Variants in COL5A3 observed in about 807,000 individuals in gnomAD.
COL5A3 encodes collagen type V alpha 3 chain.
In COL5A3, 172 loss-of-function variants were observed where a neutral mutation model predicts 250.0. That is an observed-to-expected ratio of 0.69 (90% CI 0.61 to 0.78). The LOEUF is 0.78. COL5A3 is among the 30% of genes least tolerant of loss of function. The pLI, the probability that COL5A3 is intolerant of heterozygous loss-of-function variation, is 0.00. For synonymous variants in COL5A3, 937 were observed against 900.4 expected, an observed-to-expected ratio of 1.04 and a Z score of -0.73; for missense variants, 2,340 against 2,334.4, an observed-to-expected ratio of 1.00 and a Z score of -0.05.
intron 64 of COL5A3, among the ~76,000 whole-genome samples, chr19:9,965,150 CTTTTTCTTTTT>C (rs780455316): frequency 7.3e-6 from 1 of 137,608 alleles, no homozygotes; most frequent in Non-Finnish European, 1.6e-5. Flanking sequence ...TTTTTCTTTT[CTTTTTCTTTTT>C]TTTTTTTTTT....
intron 64 of COL5A3, among the ~76,000 whole-genome samples, chr19:9,965,458 C>CTT (rs781503204): frequency 0.026 from 3,631 of 139,500 alleles, 99 homozygotes; most frequent in East Asian, 0.12. Context: ...GCCCGGCCTT[C>CTT]TTTTTTTTTT....
chr19:9,966,788 G>C (rs1417515085), intron 62 of COL5A3, 42 bp from the exon 63 acceptor site: 1 of 1,442,324 alleles, frequency 6.9e-7, no homozygotes, highest in Admixed American at 2.1e-5. Flanking sequence ...GGGGAGATGG[G>C]GGAGGGAGAG....
At chr19:9,993,598 G>A in intron 18 of COL5A3, 21 bp downstream of exon 18, 2 of 1,613,256 alleles carry the variant, frequency 1.2e-6, no homozygotes, top group Non-Finnish European at 1.7e-6. Context: ...TAGACTTGGG[G>A]GAGGGACCTC....
intron 4 of COL5A3, among the ~76,000 whole-genome samples, chr19:10,004,989 A>C (rs962731489): frequency 7.2e-6 from 1 of 139,800 alleles, no homozygotes; most frequent in Non-Finnish European, 1.6e-5. Context: ...ACAGTCATGC[A>C]CTGCAACGGC....
chr19:10,001,470 T>A (rs943637539), intron 8 of COL5A3, 54 bp downstream of exon 8: 16 of 1,556,216 alleles, frequency 1.0e-5, no homozygotes, highest in East Asian at 2.3e-5. Context: ...TTTAAAAAAA[T>A]TTTAATAGGA....
intron 8 of COL5A3, among the ~76,000 whole-genome samples, chr19:9,999,200 A>AT (rs144312768): frequency 0.4 from 37,786 of 94,472 alleles, 5,455 homozygotes; most frequent in Middle Eastern, 0.49. Flanking sequence ...TTTGCTTGGC[A>AT]TTTTTTTTTT....
chr19:9,980,213 C>T (rs183078609), intron 35 of COL5A3, among the ~76,000 whole-genome samples, 166 bp from the exon 36 acceptor site: 1 of 152,206 alleles, frequency 6.6e-6, no homozygotes, highest in African/African-American at 2.4e-5. Flanking sequence ...CACTGTAGCC[C>T]TTTGGGTTGG....
intron 54 of COL5A3, among the ~76,000 whole-genome samples, chr19:9,970,382 G>GACT (rs1256942274): frequency 2.0e-4 from 24 of 122,170 alleles, no homozygotes; most frequent in African/African-American, 2.9e-4. Context: ...GGTAAGCGGG[G>GACT]GCTGTGGGGT....
At chr19:9,996,794 A>G (rs2087280660) in intron 11 of COL5A3, 105 bp from the exon 12 acceptor site, 11 of 706,804 alleles carry the variant, frequency 1.6e-5, no homozygotes, top group Non-Finnish European at 2.5e-5. Context: ...AGAGAGAGGG[A>G]GAGATGGAGA....
rs113959797 is a variant in COL5A3, at chr19:9,992,923, G to T, written c.1795-43C>A. 2.1e-3 allele frequency: 3,410 copies of T among 1,610,406 alleles called. 3 individuals are homozygous for T. The highest frequency in any genetic ancestry group is 2.6e-3 in the Non-Finnish European group (3,066 of 1,177,310). The stretch of plus-strand genomic sequence containing the variant: ...AATTATTTCCACATCACCTCTGTGT[G>T]GCCATGTGAGCTCTAGGGGTCCTAT... On this transcript the variant is annotated intron_variant, in intron 20 of 66. Transcript: ENST00000264828.
chr19:10,005,774 C>A (rs781323842), intron 3 of COL5A3, 22 bp downstream of exon 3: 1 of 1,601,954 alleles, frequency 6.2e-7, no homozygotes, highest in East Asian at 2.2e-5. Context: ...CACGGACCCC[C>A]GCCCACTCTC....
chr19:10,003,543 T>C (rs892477226), intron 6 of COL5A3, 22 bp downstream of exon 6: 6 of 1,612,604 alleles, frequency 3.7e-6, no homozygotes, highest in Non-Finnish European at 5.1e-6. Flanking sequence ...AAACCGGAAG[T>C]GAGAGGTCTC....
intron 1 of COL5A3, among the ~76,000 whole-genome samples, chr19:10,008,550 G>T (rs1182632684): frequency 6.6e-6 from 1 of 152,192 alleles, no homozygotes; most frequent in Non-Finnish European, 1.5e-5. Context: ...GAGGGACAGA[G>T]GCGGGGACTG....
In COL5A3 at chr19:9,977,621, A is replaced by C. The variant is rs2086942025; in HGVS notation, c.3099T>G (p.Val1033=). 3 of 1,604,320 alleles carry C rather than the reference A, an allele frequency of 1.9e-6. No homozygotes were observed. The highest frequency in any genetic ancestry group is 2.2e-5 in the South Asian group (2 of 89,708). ...LPGQSGSEGP[V]GPAGKKGSRG... ...GGGACCCCTTCTTGCCTGCAGGGCC[A>C]ACGGGGCCTTCGCTGCCACTTTGGC... is the stretch of plus-strand genomic sequence containing the variant. Residue 1033 remains valine, a synonymous_variant, in exon 42 of 67, where the codon GTT becomes GTG. Coordinates refer to ENST00000264828, the MANE Select transcript of COL5A3 (RefSeq NM_015719.4).
At chr19:9,996,365 C>A in intron 13 of COL5A3, 68 bp downstream of exon 13, 1 of 1,579,132 alleles carries the variant, frequency 6.3e-7, no homozygotes, top group Non-Finnish European at 8.6e-7. Context: ...TCCTGCCCAG[C>A]CCCTCCTTAC....
Position 9,969,924 on chromosome 19 carries a change from T to C in COL5A3, c.3937-2A>G. Reference sequence around the variant, plus strand: ...TCGACCCATGTGGCCTGAAGGACCCTTGGAAGGGAAAGACAGTGAGGGGGG... The same window carrying C: ...TCGACCCATGTGGCCTGAAGGACCCCTGGAAGGGAAAGACAGTGAGGGGGG... On this transcript the variant is annotated splice_acceptor_variant, in intron 54 of 66. Transcript: ENST00000264828. LOFTEE classifies it high-confidence loss of function. 6.3e-7 allele frequency: 1 copy of C among 1,590,342 alleles called. No individual in the cohort carries two copies. Among genetic ancestry groups the C allele is most frequent in the Non-Finnish European group, 8.5e-7 (1 of 1,171,364 alleles).
chr19:10,007,870 C>T (rs1305845986), intron 1 of COL5A3, among the ~76,000 whole-genome samples: 1 of 152,080 alleles, frequency 6.6e-6, no homozygotes, highest in Non-Finnish European at 1.5e-5. Context: ...CTCTCTGTCC[C>T]ACTTTCTGTG....
chr19:10,000,158 C>T (rs2087338454), intron 8 of COL5A3, among the ~76,000 whole-genome samples: 2 of 152,098 alleles, frequency 1.3e-5, no homozygotes, highest in African/African-American at 4.8e-5. Flanking sequence ...TTCGGAACAA[C>T]AGTCCACCAT....
Position 9,968,423 on chromosome 19 carries a change from G to T in COL5A3, c.4276C>A (p.Pro1426Thr). ...GGACCAGGGGGTCCCTGCACGCCTG[G>T]CAACCCCTGATCTCCTTTCTCACCA... ...EAGEKGDQGLPGVQGPPGPKG... is the reference protein window; with the variant it reads ...EAGEKGDQGLTGVQGPPGPKG... The change falls in exon 59 of 67, where the codon CCA becomes ACA. Residue 1426 changes from proline to threonine, a missense_variant. Pro to Thr is a conservative substitution (Grantham distance 38). Transcript: ENST00000264828. This position sits in a 1 kb window ranked among gnomAD's most constrained non-coding sequence, Gnocchi z 4.1. 6.3e-7 allele frequency: 1 copy of T among 1,592,076 alleles called. No homozygotes were observed. The highest frequency in any genetic ancestry group is 8.5e-7 in the Non-Finnish European group (1 of 1,174,540).
Sources: allele counts gnomAD v4.1 joint callset (sites outside exome capture counted in the v4.1 genomes callset), GRCh38; gene constraint gnomAD v4.1.1; non-coding constraint Gnocchi (gnomAD v3.1); transcripts MANE v1.5; gene names NCBI Gene and HGNC (gene_info 2026-07-23, HGNC 2026-07-21).